The following TGFBR3 variants were observed in gnomAD, a reference collection of about 807,000 sequenced individuals.
TGFBR3 encodes transforming growth factor beta receptor 3.
A neutral mutation model predicts 87.9 loss-of-function variants in TGFBR3; 46 were observed. The observed-to-expected ratio is 0.52, with a 90% CI of 0.41 to 0.67. The LOEUF (loss-of-function observed/expected upper bound fraction) is 0.67. TGFBR3 is among the 30% of genes least tolerant of loss of function. TGFBR3 has a pLI of 0.00. For synonymous variants in TGFBR3, 381 were observed against 391.6 expected (o/e 0.97, Z 0.32); for missense variants, 866 against 1,041.9 (o/e 0.83, Z 2.32).
intron 1 of TGFBR3, among the ~76,000 whole-genome samples, chr1:91,876,639 G>T (rs1678824997): frequency 6.6e-6 from 1 of 152,116 alleles, no homozygotes. Flanking sequence ...GACCATTCAG[G>T]CAGGAAAAGG....
intron 2 of TGFBR3, among the ~76,000 whole-genome samples, chr1:91,809,168 C>G (rs768153482): frequency 1.3e-5 from 2 of 152,172 alleles, no homozygotes; most frequent in Non-Finnish European, 2.9e-5. Flanking sequence ...CCTCATTAAC[C>G]CTGAGGGATG....
At chr1:91,775,690 C>T (rs984527659) in intron 3 of TGFBR3, among the ~76,000 whole-genome samples, 1 of 152,234 alleles carries the variant, frequency 6.6e-6, no homozygotes, top group African/African-American at 2.4e-5. Context: ...GTAAAGGCCA[C>T]TGCCAGCAAA....
chr1:91,770,786 C>T (rs1190238754), intron 3 of TGFBR3: 1 of 152,178 alleles, frequency 6.6e-6, no homozygotes, highest in Non-Finnish European at 1.5e-5. Flanking sequence ...TAAACTGCCC[C>T]AAACAGGAAC....
chr1:91,799,386 C>T (rs1675515526), intron 2 of TGFBR3, among the ~76,000 whole-genome samples: 1 of 152,218 alleles, frequency 6.6e-6, no homozygotes, highest in Non-Finnish European at 1.5e-5. Flanking sequence ...ACTGTAAATT[C>T]CCTGGAGCCC....
At chr1:91,899,382 G>C (rs2101346958) in intron 2 of TGFBR3, among the ~76,000 whole-genome samples, 1 of 151,818 alleles carries the variant, frequency 6.6e-6, no homozygotes, top group Middle Eastern at 3.4e-3. Context: ...GGCGTGCACT[G>C]GTAGTCCCAC....
At chr1:91,849,642 G>C (rs1284636313) in intron 2 of TGFBR3, among the ~76,000 whole-genome samples, 2 of 152,192 alleles carry the variant, frequency 1.3e-5, no homozygotes, top group African/African-American at 4.8e-5. Flanking sequence ...CTCCACTAGA[G>C]ACATGCTTCA....
intron 4 of TGFBR3, among the ~76,000 whole-genome samples, chr1:91,739,908 G>C (rs1673100626): frequency 6.6e-6 from 1 of 152,120 alleles, no homozygotes; most frequent in African/African-American, 2.4e-5. Context: ...GGAGTGGGTA[G>C]GTGCTACATA....
In TGFBR3 at chr1:91,695,798, G is replaced by A. The variant is rs372682148; in HGVS notation, c.2330-19C>T. 24 of 1,603,670 alleles carry A rather than the reference G, an allele frequency of 1.5e-5. No homozygotes were observed. The highest frequency in any genetic ancestry group is 3.3e-5 in the South Asian group (3 of 90,868). Reference sequence around the variant, plus strand: ...AAAATTGCTATAAAGGAGAGAAACCGATACACACAACTTTTTGGTTAGTCT... The same window carrying A: ...AAAATTGCTATAAAGGAGAGAAACCAATACACACAACTTTTTGGTTAGTCT... On this transcript the variant is annotated intron_variant, in intron 15 of 16. Coordinates refer to ENST00000212355, the MANE Select transcript of TGFBR3 (RefSeq NM_003243.5).
intron 16 of TGFBR3, among the ~76,000 whole-genome samples, chr1:91,687,606 A>G (rs1671132275): frequency 6.6e-6 from 1 of 152,194 alleles, no homozygotes; most frequent in Non-Finnish European, 1.5e-5. Context: ...CAAGCTTGGT[A>G]TTTAGGCCAA....
intron 2 of TGFBR3, among the ~76,000 whole-genome samples, chr1:91,819,586 G>C (rs1676373469): frequency 6.6e-6 from 1 of 152,106 alleles, no homozygotes; most frequent in African/African-American, 2.4e-5. Flanking sequence ...AGCCTTTCCT[G>C]GTCATGATTT....
At chr1:91,686,989 C>A (rs1557656499) in intron 16 of TGFBR3, among the ~76,000 whole-genome samples, 1 of 152,140 alleles carries the variant, frequency 6.6e-6, no homozygotes, top group Non-Finnish European at 1.5e-5. Context: ...AAATATCAAA[C>A]CACATTGAGG....
chr1:91,852,250 A>G (rs918964301), intron 2 of TGFBR3, among the ~76,000 whole-genome samples: 17 of 147,306 alleles, frequency 1.2e-4, no homozygotes, highest in Non-Finnish European at 2.3e-4. Context: ...TGTCTCAGGG[A>G]AAAAAAAAAA....
intron 1 of TGFBR3, among the ~76,000 whole-genome samples, chr1:91,875,784 C>G (rs2391072): frequency 0.22 from 964 of 4,416 alleles, 100 homozygotes; most frequent in Middle Eastern, 0.67. Context: ...GCTACTCGGG[C>G]GGGGGGGGGG....
chr1:91,790,903 C>T (rs1290453858), intron 3 of TGFBR3, among the ~76,000 whole-genome samples: 1 of 152,156 alleles, frequency 6.6e-6, no homozygotes, highest in African/African-American at 2.4e-5. Context: ...AAGGCACACC[C>T]ACTCCTCCCC....
chr1:91,695,923 A>G (rs918449085), intron 15 of TGFBR3, 144 bp from the exon 16 acceptor site: 4 of 748,816 alleles, frequency 5.3e-6, no homozygotes, highest in Non-Finnish European at 9.3e-6. Flanking sequence ...AATAAAATAC[A>G]CTGTATTTTG....
At chr1:91,695,128 G>A (rs1671387307) in intron 16 of TGFBR3, among the ~76,000 whole-genome samples, 2 of 140,210 alleles carry the variant, frequency 1.4e-5, no homozygotes, top group African/African-American at 5.2e-5. Context: ...TTTTTTTTCA[G>A]TTCATGGAAA....
intron 12 of TGFBR3, among the ~76,000 whole-genome samples, chr1:91,715,709 G>GA (rs575857366): frequency 6.0e-4 from 91 of 151,174 alleles, no homozygotes; most frequent in African/African-American, 1.8e-3. Flanking sequence ...TCATGATCTA[G>GA]AAAAAAAAAT....
intron 1 of TGFBR3, among the ~76,000 whole-genome samples, chr1:91,867,712 T>G (rs537480398): frequency 3.3e-4 from 51 of 152,324 alleles, no homozygotes; most frequent in Non-Finnish European, 6.3e-4. Flanking sequence ...TTTTCATTTA[T>G]AAGGGTGTCT....
At chr1:91,752,671 A>C (rs1673589444) in intron 4 of TGFBR3, among the ~76,000 whole-genome samples, 1 of 152,030 alleles carries the variant, frequency 6.6e-6, no homozygotes, top group Non-Finnish European at 1.5e-5. Context: ...CTCCAAGTCT[A>C]CAGACCTTGC....
Sources: gnomAD v4.1 joint callset for allele counts (sites outside exome capture counted in the v4.1 genomes callset) on GRCh38, gnomAD v4.1.1 for gene constraint, MANE v1.5 for transcripts, NCBI Gene and HGNC (gene_info 2026-07-23, HGNC 2026-07-21) for gene names.